UBE2L5: variants seen among roughly 807,000 people sequenced by gnomAD.
UBE2L5 encodes the protein ubiquitin conjugating enzyme E2 L5.
UBE2L5 carries 3 observed loss-of-function variants against 10.0 expected under a neutral mutation model. That is an observed-to-expected ratio of 0.30 (90% CI 0.14 to 0.78). UBE2L5 has a LOEUF of 0.78. Among genes scored for constraint, UBE2L5 ranks in the 30% least tolerant of loss-of-function variants. The pLI is 0.65. For synonymous variants in UBE2L5, 60 were observed against 71.9 expected (o/e 0.83, Z 0.83); for missense variants, 131 against 193.3 (o/e 0.68, Z 1.91).
chr13:30,428,102 C>A lies in UBE2L5; in HGVS notation c.112C>A (p.Leu38Ile), dbSNP rs1045738128. The change falls in exon 4 of 4, where the codon CTT (leucine) becomes ATT (isoleucine). Residue 38 changes from leucine to isoleucine, a missense_variant. Leu to Ile is a conservative substitution (Grantham distance 5). Coordinates refer to ENST00000635918, the MANE Select transcript of UBE2L5 (RefSeq NM_001355247.2). ...DEANLLTWQG[L>I]IVPDNPPYNK... ...AGCTAATTTATTGACTTGGCAAGGG[C>A]TTATTGTTCCTGACAACCCTCCGTA... The A allele has an allele frequency of 1.0e-4, 169 of 1,610,654 alleles. No individual in the cohort carries two copies. Among genetic ancestry groups the A allele is most frequent in the Non-Finnish European group, 1.3e-4 (150 of 1,176,976 alleles).
intron 1 of UBE2L5, among the ~76,000 whole-genome samples, chr13:30,422,997 A>G (rs906316550): frequency 6.6e-6 from 1 of 152,268 alleles, no homozygotes; most frequent in African/African-American, 2.4e-5. Context: ...ATTATTCCAT[A>G]GCCATTCTAC....
At chr13:30,426,442 G>A (rs1885541007) in intron 2 of UBE2L5, among the ~76,000 whole-genome samples, 2 of 152,314 alleles carry the variant, frequency 1.3e-5, no homozygotes, top group South Asian at 4.1e-4. Flanking sequence ...TACAGCAACG[G>A]ACAAAATTAC....
rs1459366593 is a variant in UBE2L5 at position 30,422,717 on chromosome 13, GTC to G, written c.-779+44_-779+45del. The G allele has an allele frequency of 2.0e-5, 3 of 152,214 alleles. No individual in the cohort carries two copies. In the East Asian group the frequency reaches 5.8e-4, roughly 29 times the overall value. 9.4% of individuals were successfully genotyped at this position (152,214 alleles called of 1,614,324 possible). A position where few individuals can be genotyped will look rare whatever the true frequency, so the allele number is the denominator to read the frequency against. ...AATCCATTCACAAGGATGCTTGTGA[GTC>G]TCTGCTGCGTTTAACATCGGTCAGC... On this transcript the variant is annotated intron_variant, in intron 1 of 3. Coordinates refer to ENST00000635918, the MANE Select transcript of UBE2L5 (RefSeq NM_001355247.2).
intron 2 of UBE2L5, among the ~76,000 whole-genome samples, chr13:30,425,574 C>T (rs758603460): frequency 6.6e-6 from 1 of 152,250 alleles, no homozygotes; most frequent in Admixed American, 6.5e-5. Flanking sequence ...CATGCATTCT[C>T]ATGCCATATT....
chr13:30,423,392 A>G (rs749721811), intron 1 of UBE2L5, among the ~76,000 whole-genome samples: 1 of 152,154 alleles, frequency 6.6e-6, no homozygotes, highest in South Asian at 2.1e-4. Context: ...CAGGAGGATC[A>G]TTTGAGTCCA....
Position 30,428,351 on chromosome 13 carries a change from C to T in UBE2L5, c.361C>T (p.Leu121Phe). The T allele has an allele frequency of 6.2e-7, 1 of 1,610,960 alleles. No homozygotes were observed. Among genetic ancestry groups the T allele is most frequent in the South Asian group, 1.1e-5 (1 of 90,978 alleles). Residue 121 changes from leucine to phenylalanine, a missense_variant, in exon 4 of 4, where the codon CTT (leucine) becomes TTT (phenylalanine). Coordinates refer to ENST00000635918, the MANE Select transcript of UBE2L5 (RefSeq NM_001355247.2). ...GAATGACCCGCAGCCCGAGCACCCG[C>T]TTCGGGCTGACCTAGCTGAAGAATA... is the stretch of plus-strand genomic sequence containing the variant. ...LVNDPQPEHP[L>F]RADLAEEYSN...
chr13:30,426,122 C>A (rs1885535171), intron 2 of UBE2L5, among the ~76,000 whole-genome samples: 1 of 152,062 alleles, frequency 6.6e-6, no homozygotes, highest in Non-Finnish European at 1.5e-5. Flanking sequence ...ACCAGCCTGG[C>A]CAACACGGCG....
rs1885584150 is a variant in UBE2L5, at chr13:30,429,066, T to A, written c.*611T>A. Among the ~76,000 whole-genome samples the A allele has an allele frequency of 6.6e-6, 1 of 151,738 alleles. No individual in the cohort carries two copies. Among genetic ancestry groups the A allele is most frequent in the African/African-American group, 2.4e-5 (1 of 41,260 alleles). ...TGGGTGGATCACCTGAGGTCAGGAG[T>A]TCGAGACCAGCCTGGCCAACGTGGT... On this transcript the variant is annotated 3_prime_UTR_variant, in exon 4 of 4. Transcript: ENST00000635918.
rs1885576388 is a variant in UBE2L5, at chr13:30,428,692, ACT to A, written c.*238_*239del. 1 of 493,198 alleles carries A rather than the reference ACT, an allele frequency of 2.0e-6. No homozygotes were observed. Among genetic ancestry groups the A allele is most frequent in the African/African-American group, 2.0e-5 (1 of 49,292 alleles). The allele number at this position is 493,198 out of a possible 1,614,324, so 30.6% of individuals were successfully genotyped here. On this transcript the variant is annotated 3_prime_UTR_variant, in exon 4 of 4. Transcript: ENST00000635918. Reference sequence around the variant, plus strand: ...AAAAAAGTGGCCATTAATAGACGGAACTATACACTGGACTAGTTGTTGTTTTA... The same window carrying A: ...AAAAAAGTGGCCATTAATAGACGGAAATACACTGGACTAGTTGTTGTTTTA...
At chr13:30,423,450 A>C (rs1885494965) in intron 1 of UBE2L5, among the ~76,000 whole-genome samples, 1 of 152,188 alleles carries the variant, frequency 6.6e-6, no homozygotes, top group Non-Finnish European at 1.5e-5. Context: ...CATCTCTAAA[A>C]AAATACAGTA....
Position 30,428,849 on chromosome 13 carries a change from C to CTTTTTTT in UBE2L5, c.*406_*412dup, listed in dbSNP as rs56343313. Among the ~76,000 whole-genome samples, 1 of 123,252 alleles carries CTTTTTTT rather than the reference C, an allele frequency of 8.1e-6. No individual in the cohort carries two copies. Among genetic ancestry groups the CTTTTTTT allele is most frequent in the Non-Finnish European group, 1.6e-5 (1 of 61,584 alleles). The allele number at this position is 123,252 out of a possible 152,430, so 80.9% of individuals were successfully genotyped here. A position where few individuals can be genotyped will look rare whatever the true frequency, so the allele number is the denominator to read the frequency against. ...AAGAGATTGTATGCTATATTCCTTG[C>CTTTTTTT]TTTTTTTTTTTTTTTTTTGGTGGAT... is the stretch of plus-strand genomic sequence containing the variant. On this transcript the variant is annotated 3_prime_UTR_variant, in exon 4 of 4. Coordinates refer to ENST00000635918, the MANE Select transcript of UBE2L5 (RefSeq NM_001355247.2).
intron 2 of UBE2L5, among the ~76,000 whole-genome samples, chr13:30,425,908 G>A (rs1310317563): frequency 6.6e-6 from 1 of 152,012 alleles, no homozygotes; most frequent in African/African-American, 2.4e-5. Context: ...CAGCTACTCG[G>A]GAGGCCGAGG....
At chr13:30,424,198 C>T (rs751182944) in intron 1 of UBE2L5, among the ~76,000 whole-genome samples, 3 of 152,156 alleles carry the variant, frequency 2.0e-5, no homozygotes, top group African/African-American at 7.2e-5. Context: ...TGTCTTCCCC[C>T]ACCTCTGCCT....
In UBE2L5 at chr13:30,424,176, T is replaced by C. The variant is rs147684653; in HGVS notation, c.-778-632T>C. On this transcript the variant is annotated intron_variant, in intron 1 of 3. Coordinates refer to ENST00000635918, the MANE Select transcript of UBE2L5 (RefSeq NM_001355247.2). ...TGTTAGGTGTGAGGGTGACAGTCTG[T>C]ACCTCTCCAGCTGTCTTCCCCCACC... 8.5e-5 allele frequency among the ~76,000 whole-genome samples: 13 copies of C among 152,302 alleles called. 1 individual carries two copies. The East Asian group carries it at 2.5e-3, about 29-fold the overall frequency.
At chr13:30,423,543 A>G (rs7319674) in intron 1 of UBE2L5, among the ~76,000 whole-genome samples, 50,950 of 152,124 alleles carry the variant, frequency 0.33, 9,308 homozygotes, top group East Asian at 0.4. Context: ...CTGGGAAGTG[A>G]AGGTTGTAGT....
Position 30,428,443 on chromosome 13 carries a change from A to T in UBE2L5, c.453A>T (p.Arg151=). 6.2e-7 allele frequency: 1 copy of T among 1,611,034 alleles called. No homozygotes were observed. The highest frequency in any genetic ancestry group is 8.5e-7 in the Non-Finnish European group (1 of 1,179,558). The change falls in exon 4 of 4, where the codon CGA becomes CGT. Residue 151 remains arginine (R), a synonymous_variant. Transcript: ENST00000635918. ...TTACAAAGAAATATGGGGAAAAGCG[A>T]CCTGTGGACTAAAATGTGCCACGAT... The part of the protein sequence containing the change: ...EEFTKKYGEK[R]PVD
Position 30,427,786 on chromosome 13 carries a change from A to G in UBE2L5, c.-205A>G. On this transcript the variant is annotated 5_prime_UTR_variant, in exon 4 of 4. Transcript: ENST00000635918. The stretch of plus-strand genomic sequence containing the variant: ...GCCACTGCACTCCAGCCTGGGCAAC[A>G]GAGAGAGACTCTGGCTAAAAAAAAA... The G allele has an allele frequency of 1.7e-6, 1 of 572,050 alleles. No individual in the cohort carries two copies. Among genetic ancestry groups the G allele is most frequent in the Non-Finnish European group, 3.1e-6 (1 of 325,178 alleles). 35.4% of individuals were successfully genotyped at this position (572,050 alleles called of 1,614,324 possible). A position where few individuals can be genotyped will look rare whatever the true frequency, so the allele number is the denominator to read the frequency against.
intron 2 of UBE2L5, among the ~76,000 whole-genome samples, chr13:30,426,129 G>A (rs572979983): frequency 1.3e-5 from 2 of 152,036 alleles, no homozygotes; most frequent in East Asian, 3.9e-4. Context: ...TGGCCAACAC[G>A]GCGAAACCCC....
At position 30,428,377 on chromosome 13, in the gene UBE2L5, C is replaced by T; in HGVS notation, c.387C>T (p.Tyr129=). 2 of 1,611,646 alleles carry T rather than the reference C, an allele frequency of 1.2e-6. No homozygotes were observed. The highest frequency in any genetic ancestry group is 1.7e-6 in the Non-Finnish European group (2 of 1,179,648). Residue 129 remains tyrosine, a synonymous_variant, in exon 4 of 4, where the codon TAC becomes TAT. Coordinates refer to ENST00000635918, the MANE Select transcript of UBE2L5 (RefSeq NM_001355247.2). ...HPLRADLAEE[Y]SNDRKKFCKN... is the part of the protein sequence containing the mutation. ...TTCGGGCTGACCTAGCTGAAGAATACTCTAACGACCGTAAAAAATTCTGTA... is the reference window on the plus strand; with the variant it reads ...TTCGGGCTGACCTAGCTGAAGAATATTCTAACGACCGTAAAAAATTCTGTA...
Sources: gnomAD v4.1 joint callset for allele counts (sites outside exome capture counted in the v4.1 genomes callset) on GRCh38, gnomAD v4.1.1 for gene constraint, MANE v1.5 for transcripts, NCBI Gene and HGNC (gene_info 2026-07-23, HGNC 2026-07-21) for gene names.